The following EHBP1 variants were observed in gnomAD, a reference collection of about 807,000 sequenced individuals.
EHBP1 encodes the protein EH domain binding protein 1.
In EHBP1, 55 loss-of-function variants were observed where a neutral mutation model predicts 144.0. The observed-to-expected ratio is 0.38, with a 90% CI of 0.31 to 0.48. The LOEUF (loss-of-function observed/expected upper bound fraction) is 0.48. Among genes scored for constraint, EHBP1 ranks in the 20% least tolerant of loss-of-function variants. The probability of loss-of-function intolerance (pLI) is 0.98; values close to 1 mark genes in which losing one functional copy is unlikely to be tolerated. For synonymous variants in EHBP1, 469 were observed against 472.7 expected (o/e 0.99, Z 0.10); for missense variants, 1,200 against 1,364.2 (o/e 0.88, Z 1.90).
intron 14 of EHBP1, among the ~76,000 whole-genome samples, chr2:62,960,332 T>C (rs2057938361): frequency 6.6e-6 from 1 of 152,132 alleles, no homozygotes; most frequent in Non-Finnish European, 1.5e-5. Context: ...AAATGTGCCA[T>C]ACTCTTTCAT....
At chr2:62,763,309 G>GCC (rs1222936479) in intron 3 of EHBP1, among the ~76,000 whole-genome samples, 1 of 151,100 alleles carries the variant, frequency 6.6e-6, no homozygotes, top group East Asian at 1.9e-4. Flanking sequence ...CTACTGTATT[G>GCC]TAAACTCCCC....
intron 18 of EHBP1, chr2:62,994,257 T>G (rs893023534): frequency 2.1e-5 from 4 of 190,952 alleles, no homozygotes; most frequent in South Asian, 1.5e-4. Context: ...ATTGATCTAC[T>G]GGGAGGATTT....
At chr2:62,837,463 T>C (rs1012007769) in intron 7 of EHBP1, among the ~76,000 whole-genome samples, 6 of 151,382 alleles carry the variant, frequency 4.0e-5, no homozygotes, top group Non-Finnish European at 7.4e-5. Context: ...AACATCATAA[T>C]GACAGGATCA....
chr2:62,911,198 C>T (rs1211425673), intron 10 of EHBP1, among the ~76,000 whole-genome samples: 1 of 152,134 alleles, frequency 6.6e-6, no homozygotes, highest in South Asian at 2.1e-4. Context: ...ACTAGAGCAA[C>T]TTATTTAACC....
chr2:62,815,516 GA>G (rs922715796), intron 5 of EHBP1, among the ~76,000 whole-genome samples: 2 of 152,190 alleles, frequency 1.3e-5, no homozygotes, highest in Admixed American at 1.3e-4. Context: ...TTGCAAAGGA[GA>G]AAGTTTTTCA....
rs532798445 is a variant in EHBP1 at position 62,948,119 on chromosome 2, A to C, written c.1414-141A>C. On this transcript the variant is annotated intron_variant, in intron 12 of 22. Transcript: ENST00000431489. Reference sequence around the variant, plus strand: ...CTCCCCCCACTTTTACACATGTCTGACTTTTGGAAATTTGTTCTTTTCATG... The same window carrying C: ...CTCCCCCCACTTTTACACATGTCTGCCTTTTGGAAATTTGTTCTTTTCATG... 7 of 585,790 alleles carry C rather than the reference A, an allele frequency of 1.2e-5. No individual in the cohort carries two copies. In the East Asian group the frequency reaches 1.7e-4, roughly 14 times the overall value. 36.3% of individuals were successfully genotyped at this position (585,790 alleles called of 1,614,324 possible).
chr2:63,003,713 T>C (rs1022917468), intron 19 of EHBP1, among the ~76,000 whole-genome samples: 2 of 152,100 alleles, frequency 1.3e-5, no homozygotes, highest in African/African-American at 4.8e-5. Context: ...CTCATGGTTA[T>C]GAAAATTGAA....
At chr2:62,834,188 A>G (rs866500258) in intron 7 of EHBP1, among the ~76,000 whole-genome samples, 1 of 152,252 alleles carries the variant, frequency 6.6e-6, no homozygotes, top group Non-Finnish European at 1.5e-5. Context: ...TGTTGAAATG[A>G]CAACAAAGGA....
chr2:62,984,058 A>G (rs1004605848), intron 15 of EHBP1, among the ~76,000 whole-genome samples: 2 of 151,112 alleles, frequency 1.3e-5, no homozygotes, highest in Admixed American at 6.6e-5. Context: ...TGTGTTTCCC[A>G]TCTTTTGTTT....
chr2:62,974,035 C>T (rs1295828265), intron 14 of EHBP1, among the ~76,000 whole-genome samples: 1 of 152,140 alleles, frequency 6.6e-6, no homozygotes, highest in East Asian at 1.9e-4. Context: ...AAAAGAAATA[C>T]TGATAGTAAA....
At chr2:62,994,083 C>A in intron 18 of EHBP1, 106 bp downstream of exon 18, 1 of 706,942 alleles carries the variant, frequency 1.4e-6, no homozygotes, top group South Asian at 2.3e-5. Flanking sequence ...TTTAAGATGT[C>A]AATCTCCAGT....
chr2:62,820,966 A>G (rs1356507746), intron 5 of EHBP1, among the ~76,000 whole-genome samples: 1 of 151,066 alleles, frequency 6.6e-6, no homozygotes. Flanking sequence ...TGAGTATAGG[A>G]TATTCATTTT....
At chr2:62,928,818 C>T (rs1419000810) in intron 10 of EHBP1, among the ~76,000 whole-genome samples, 1 of 145,562 alleles carries the variant, frequency 6.9e-6, no homozygotes, top group Non-Finnish European at 1.5e-5. Flanking sequence ...AATTGACAAA[C>T]TTCAGCTAGA....
At chr2:62,697,105 T>G (rs1052083064) in intron 1 of EHBP1, among the ~76,000 whole-genome samples, 1 of 152,234 alleles carries the variant, frequency 6.6e-6, no homozygotes, top group Admixed American at 6.5e-5. Context: ...TCAGATTGTT[T>G]TGGCTGATGT....
intron 19 of EHBP1, among the ~76,000 whole-genome samples, chr2:63,009,517 C>T (rs902765220): frequency 6.6e-6 from 1 of 151,492 alleles, no homozygotes; most frequent in Non-Finnish European, 1.5e-5. Flanking sequence ...GTATTTTTCT[C>T]ACCATAAGTG....
At chr2:63,013,030 T>C (rs1375008922) in intron 19 of EHBP1, among the ~76,000 whole-genome samples, 2 of 152,090 alleles carry the variant, frequency 1.3e-5, no homozygotes, top group African/African-American at 2.4e-5. Flanking sequence ...ACGAGTAGGG[T>C]AATAACTTAT....
At chr2:63,001,659 C>T (rs1409796618) in intron 19 of EHBP1, among the ~76,000 whole-genome samples, 1 of 152,062 alleles carries the variant, frequency 6.6e-6, no homozygotes, top group Non-Finnish European at 1.5e-5. Context: ...ATAATTGGGA[C>T]TATTAATAAA....
chr2:62,916,044 G>C (rs2054588478), intron 10 of EHBP1, among the ~76,000 whole-genome samples: 1 of 152,136 alleles, frequency 6.6e-6, no homozygotes, highest in Non-Finnish European at 1.5e-5. Context: ...AAATGAGCTA[G>C]GTGTGGTAGT....
intron 8 of EHBP1, among the ~76,000 whole-genome samples, chr2:62,863,917 G>A (rs2049842939): frequency 8.1e-6 from 1 of 123,788 alleles, no homozygotes; most frequent in Admixed American, 1.1e-4. Flanking sequence ...CGCAGTCTCA[G>A]CTCACTGTAA....
Sources: allele counts gnomAD v4.1 joint callset (sites outside exome capture counted in the v4.1 genomes callset), GRCh38; gene constraint gnomAD v4.1.1; transcripts MANE v1.5; gene names NCBI Gene and HGNC (gene_info 2026-07-23, HGNC 2026-07-21).